The following SLC7A14 variants were observed in gnomAD, a reference collection of about 807,000 sequenced individuals.
The protein encoded by SLC7A14 is solute carrier family 7 member 14, also known as gamma-aminobutyric acid transporter SLC7A14.
In SLC7A14, 37 loss-of-function variants were observed where a neutral mutation model predicts 60.2. That is an observed-to-expected ratio of 0.61 (90% CI 0.47 to 0.81). The LOEUF (loss-of-function observed/expected upper bound fraction) is 0.81. Among genes scored for constraint, SLC7A14 ranks in the 30% least tolerant of loss-of-function variants. The pLI is 0.00. For missense variants in SLC7A14, 886 were observed against 982.7 expected (o/e 0.90, Z 1.32); for synonymous variants, 399 against 395.8 (o/e 1.01, Z -0.10).
At chr3:170,579,864 C>T (rs1715188845) in intron 1 of SLC7A14, among the ~76,000 whole-genome samples, 1 of 152,182 alleles carries the variant, frequency 6.6e-6, no homozygotes. Context: ...CTTTGAGTTT[C>T]TGAAGTTGCC....
At chr3:170,470,179 C>T (rs1739846850) in intron 7 of SLC7A14, among the ~76,000 whole-genome samples, 1 of 152,062 alleles carries the variant, frequency 6.6e-6, no homozygotes, top group African/African-American at 2.4e-5. Flanking sequence ...AGAGAAGTCT[C>T]TTGCGTGTCT....
rs1330887913 is a variant in SLC7A14, at chr3:170,480,453, G to A, written c.1829C>T (p.Thr610Ile). 2 of 1,613,972 alleles carry A rather than the reference G, an allele frequency of 1.2e-6. No individual in the cohort carries two copies. Among genetic ancestry groups the A allele is most frequent in the Non-Finnish European group, 1.7e-6 (2 of 1,179,870 alleles). The change falls in exon 7 of 8, where the codon ACC becomes ATC. Residue 610 changes from threonine (T) to isoleucine (I), a missense_variant. Transcript: ENST00000231706. ...CTGCTGCAGGATCACAAACACCAGG[G>A]TGCTGATCAGCAGCACCATCAGAAC... ...LVVLMVLLIS[T>I]LVFVILQQPE...
Position 170,526,680 on chromosome 3 carries a change from C to T in SLC7A14, c.257G>A (p.Gly86Asp). The T allele has an allele frequency of 6.2e-7, 1 of 1,614,244 alleles. No individual in the cohort carries two copies. Among genetic ancestry groups the T allele is most frequent in the Non-Finnish European group, 8.5e-7 (1 of 1,180,054 alleles). ...GLVAKEMAGPGVIVSFIIAAV... is the reference protein window; with the variant it reads ...GLVAKEMAGPDVIVSFIIAAV... ...TGCAATGATGAAGGACACAATGACA[C>T]CAGGTCCTGCCATTTCCTTGGCCAC... Residue 86 changes from glycine to aspartate, a missense_variant, in exon 2 of 8, where the codon GGT becomes GAT. Transcript: ENST00000231706.
intron 2 of SLC7A14, among the ~76,000 whole-genome samples, chr3:170,517,799 G>A (rs753970038): frequency 1.3e-5 from 2 of 152,134 alleles, no homozygotes; most frequent in African/African-American, 2.4e-5. Context: ...GATGGATCAC[G>A]AGGTGCCAAA....
At chr3:170,504,008 A>G (rs1712690906) in intron 2 of SLC7A14, among the ~76,000 whole-genome samples, 1 of 152,180 alleles carries the variant, frequency 6.6e-6, no homozygotes, top group African/African-American at 2.4e-5. Context: ...GGCACTAACC[A>G]TACAAGACAA....
chr3:170,506,163 T>C (rs978376564), intron 2 of SLC7A14, among the ~76,000 whole-genome samples: 1 of 152,226 alleles, frequency 6.6e-6, no homozygotes, highest in Non-Finnish European at 1.5e-5. Flanking sequence ...GACCACATGA[T>C]GGAAATTTTC....
chr3:170,533,703 CAT>C (rs1284250832), intron 1 of SLC7A14, among the ~76,000 whole-genome samples: 17 of 151,228 alleles, frequency 1.1e-4, no homozygotes, highest in East Asian at 3.9e-4. Flanking sequence ...CACGCACACA[CAT>C]GTGTGCACAA....
At chr3:170,530,491 T>C (rs1399210983) in intron 1 of SLC7A14, among the ~76,000 whole-genome samples, 1 of 152,166 alleles carries the variant, frequency 6.6e-6, no homozygotes, top group African/African-American at 2.4e-5. Flanking sequence ...TCCGTGGGGC[T>C]CTCTTGCTTA....
chr3:170,582,788 CTA>C (rs1715271233), intron 1 of SLC7A14, among the ~76,000 whole-genome samples: 1 of 152,036 alleles, frequency 6.6e-6, no homozygotes, highest in Non-Finnish European at 1.5e-5. Context: ...TTTCTAAATG[CTA>C]TGTTTTGGAG....
At chr3:170,467,483 GGGC>G in intron 7 of SLC7A14, 106 bp from the exon 8 acceptor site, 1 of 656,354 alleles carries the variant, frequency 1.5e-6, no homozygotes, top group Non-Finnish European at 2.3e-6. Context: ...GCGGGGTGGG[GGGC>G]GGTGGGGGCG....
At chr3:170,569,284 T>G (rs1714877703) in intron 1 of SLC7A14, among the ~76,000 whole-genome samples, 1 of 152,006 alleles carries the variant, frequency 6.6e-6, no homozygotes, top group Non-Finnish European at 1.5e-5. Context: ...GGTTTTTGTC[T>G]TTGGTTCTGT....
intron 1 of SLC7A14, among the ~76,000 whole-genome samples, chr3:170,536,077 T>C (rs1194146247): frequency 2.0e-5 from 3 of 152,200 alleles, no homozygotes; most frequent in Admixed American, 2.0e-4. Flanking sequence ...TTGACTCTGC[T>C]GTGTGACCTT....
chr3:170,562,357 T>C (rs1714677388), intron 1 of SLC7A14, among the ~76,000 whole-genome samples: 1 of 152,222 alleles, frequency 6.6e-6, no homozygotes, highest in Admixed American at 6.5e-5. Context: ...TGGATGGGAT[T>C]GGAGACTATT....
In SLC7A14 at chr3:170,481,033, G is replaced by T; in HGVS notation, c.1249C>A (p.Leu417Met). ...LIEMMSIGTL[L>M]AYTLVSVCVL... ...CAGACAGAGACCAAGGTGTAGGCCA[G>T]GAGCGTGCCGATAGACATCATCTCT... Residue 417 changes from leucine to methionine, a missense_variant, in exon 7 of 8, where the codon CTG becomes ATG. Leu to Met is a conservative substitution (Grantham distance 15). Transcript: ENST00000231706. The T allele has an allele frequency of 6.2e-7, 1 of 1,614,064 alleles. No individual in the cohort carries two copies. The highest frequency in any genetic ancestry group is 8.5e-7 in the Non-Finnish European group (1 of 1,180,000).
intron 7 of SLC7A14, among the ~76,000 whole-genome samples, chr3:170,475,429 A>C (rs571930785): frequency 2.0e-5 from 3 of 152,308 alleles, no homozygotes; most frequent in African/African-American, 7.2e-5. Context: ...GATTAAGAAA[A>C]ATCTGATATC....
chr3:170,488,255 G>T (rs918135315), intron 4 of SLC7A14, among the ~76,000 whole-genome samples: 2 of 152,156 alleles, frequency 1.3e-5, no homozygotes, highest in African/African-American at 4.8e-5. Context: ...AATAAGTCAG[G>T]TAGAAAGAAC....
At chr3:170,576,911 G>T (rs1212251875) in intron 1 of SLC7A14, among the ~76,000 whole-genome samples, 1 of 152,172 alleles carries the variant, frequency 6.6e-6, no homozygotes, top group African/African-American at 2.4e-5. Flanking sequence ...TAATTTGGAA[G>T]AAACCAGGAG....
At chr3:170,515,327 A>AT (rs1258000768) in intron 2 of SLC7A14, among the ~76,000 whole-genome samples, 11 of 135,654 alleles carry the variant, frequency 8.1e-5, no homozygotes, top group Admixed American at 3.0e-4. Context: ...CCCCAAAAAA[A>AT]AAATATATAT....
chr3:170,582,296 C>A (rs1398411918), intron 1 of SLC7A14, among the ~76,000 whole-genome samples: 3 of 152,108 alleles, frequency 2.0e-5, no homozygotes, highest in Non-Finnish European at 4.4e-5. Context: ...TCTAAAGCAG[C>A]ATTTTTCAAC....
Sources: gnomAD v4.1 joint callset for allele counts (sites outside exome capture counted in the v4.1 genomes callset) on GRCh38, gnomAD v4.1.1 for gene constraint, MANE v1.5 for transcripts, NCBI Gene and HGNC (gene_info 2026-07-23, HGNC 2026-07-21) for gene names.